The following HDAC9 variants were observed in gnomAD, a reference collection of about 807,000 sequenced individuals.
The protein encoded by HDAC9 is MEF-2 interacting transcription repressor (MITR) protein.
Under a neutral mutation model 139.4 loss-of-function variants are expected in HDAC9, and 41 were observed. The observed-to-expected ratio is 0.29, with a 90% CI of 0.23 to 0.38. HDAC9 has a LOEUF of 0.38. HDAC9 is among the 10% of genes least tolerant of loss of function. The probability of loss-of-function intolerance (pLI) is 1.00; values close to 1 mark genes in which losing one functional copy is unlikely to be tolerated. For synonymous variants in HDAC9, 517 were observed against 476.2 expected, an observed-to-expected ratio of 1.09 and a Z score of -1.12; for missense variants, 1,147 against 1,297.0, an observed-to-expected ratio of 0.88 and a Z score of 1.78.
At chr7:18,626,507 T>C (rs760737586) in intron 6 of HDAC9, among the ~76,000 whole-genome samples, 2 of 152,176 alleles carry the variant, frequency 1.3e-5, no homozygotes, top group East Asian at 1.9e-4. Flanking sequence ...TTTAATGATA[T>C]AAAGTAATTC....
chr7:18,279,397 C>T (rs767486104), intron 2 of HDAC9, among the ~76,000 whole-genome samples: 2 of 151,538 alleles, frequency 1.3e-5, no homozygotes, highest in Non-Finnish European at 2.9e-5. Flanking sequence ...CTTTTCTACC[C>T]AGTGACATCA....
Position 18,801,855 on chromosome 7 carries a change from A to T in HDAC9, c.2322+8403A>T, listed in dbSNP as rs145305984. Reference sequence around the variant, plus strand: ...TGGAGCCAAATTTTCAAAATTAGTCATATGAATCCGTTCATAATATCCTCT... The same window carrying T: ...TGGAGCCAAATTTTCAAAATTAGTCTTATGAATCCGTTCATAATATCCTCT... On this transcript the variant is annotated intron_variant, in intron 17 of 25. Coordinates refer to ENST00000686413, the MANE Select transcript of HDAC9 (RefSeq NM_178425.4). 2.0e-3 allele frequency among the ~76,000 whole-genome samples: 298 copies of T among 152,154 alleles called. 4 individuals carry two copies. Among genetic ancestry groups the T allele is most frequent in the Non-Finnish European group, 6.5e-4 (44 of 67,900 alleles).
chr7:18,789,230 A>G (rs1454699522), intron 16 of HDAC9, among the ~76,000 whole-genome samples: 2 of 150,412 alleles, frequency 1.3e-5, no homozygotes, highest in African/African-American at 4.9e-5. Context: ...ATCCATCCTA[A>G]TCTCCCTTTC....
chr7:18,437,625 C>G (rs997675085), intron 1 of HDAC9, among the ~76,000 whole-genome samples: 1 of 150,954 alleles, frequency 6.6e-6, no homozygotes, highest in East Asian at 1.9e-4. Flanking sequence ...AATCATACCA[C>G]AGTACACGCA....
At chr7:18,349,307 TACACACACACACACACACACACAC>T (rs3138825) in intron 1 of HDAC9, among the ~76,000 whole-genome samples, 9 of 125,820 alleles carry the variant, frequency 7.2e-5, no homozygotes, top group East Asian at 2.5e-4. Flanking sequence ...TGAGAACATC[TACACACACACACACACACACACAC>T]ACACACACAC....
chr7:18,239,960 T>G (rs576971642), intron 2 of HDAC9, among the ~76,000 whole-genome samples: 36 of 151,444 alleles, frequency 2.4e-4, no homozygotes, highest in African/African-American at 7.0e-4. Flanking sequence ...CATGTTTTTT[T>G]TTTTTTTTTT....
intron 2 of HDAC9, among the ~76,000 whole-genome samples, chr7:18,566,932 C>CCAT (rs1228044262): frequency 3.9e-5 from 6 of 152,112 alleles, no homozygotes; most frequent in Admixed American, 2.6e-4. Context: ...GAAGGATGTA[C>CCAT]CATACCGTAT....
chr7:18,640,773 A>G (rs1213497078), intron 8 of HDAC9, among the ~76,000 whole-genome samples: 1 of 151,988 alleles, frequency 6.6e-6, no homozygotes, highest in Non-Finnish European at 1.5e-5. Flanking sequence ...TTATGGATGC[A>G]GAAGTCCAAT....
At chr7:18,184,907 G>T (rs920381405) in intron 2 of HDAC9, among the ~76,000 whole-genome samples, 1 of 152,078 alleles carries the variant, frequency 6.6e-6, no homozygotes, top group Non-Finnish European at 1.5e-5. Flanking sequence ...AAAAAATACT[G>T]CAGAGCTTGC....
At chr7:18,418,266 G>A (rs1261056344) in intron 1 of HDAC9, among the ~76,000 whole-genome samples, 1 of 152,140 alleles carries the variant, frequency 6.6e-6, no homozygotes, top group East Asian at 1.9e-4. Context: ...GAAGTGGGAA[G>A]ACTTTTAGAC....
At chr7:18,521,808 A>G (rs1034439195) in intron 2 of HDAC9, among the ~76,000 whole-genome samples, 7 of 152,196 alleles carry the variant, frequency 4.6e-5, no homozygotes, top group Non-Finnish European at 7.3e-5. Flanking sequence ...AAAAACATTC[A>G]ATTAATATTC....
At chr7:18,469,581 G>A (rs138639126) in intron 1 of HDAC9, among the ~76,000 whole-genome samples, 2 of 152,138 alleles carry the variant, frequency 1.3e-5, no homozygotes, top group African/African-American at 2.4e-5. Flanking sequence ...GTACCACATT[G>A]TATTTCATGA....
chr7:18,974,542 T>G (rs2129336875), intron 24 of HDAC9, among the ~76,000 whole-genome samples: 1 of 152,316 alleles, frequency 6.6e-6, no homozygotes, highest in South Asian at 2.1e-4. Flanking sequence ...GACAGAATTG[T>G]TATTGTTTGG....
intron 1 of HDAC9, among the ~76,000 whole-genome samples, chr7:18,376,556 G>A (rs528155917): frequency 6.6e-6 from 1 of 152,168 alleles, no homozygotes; most frequent in South Asian, 2.1e-4. Context: ...GTTGCTTCGG[G>A]TGCCTGGCAG....
At chr7:18,488,592 G>A (rs1242145970) in intron 1 of HDAC9, among the ~76,000 whole-genome samples, 1 of 151,958 alleles carries the variant, frequency 6.6e-6, no homozygotes, top group East Asian at 1.9e-4. Flanking sequence ...AAATTCATGA[G>A]TTAAAGATAG....
chr7:18,693,506 A>C (rs1349921896), intron 12 of HDAC9, among the ~76,000 whole-genome samples: 2 of 152,168 alleles, frequency 1.3e-5, no homozygotes, highest in African/African-American at 4.8e-5. Flanking sequence ...CTTTTAACGA[A>C]AAAAATTTTC....
intron 1 of HDAC9, among the ~76,000 whole-genome samples, chr7:18,088,484 C>T (rs979293839): frequency 3.3e-5 from 5 of 152,104 alleles, no homozygotes; most frequent in African/African-American, 1.2e-4. Flanking sequence ...AGGAAAAAAA[C>T]ATTGAAAATC....
intron 2 of HDAC9, among the ~76,000 whole-genome samples, chr7:18,503,204 T>TC (rs1351553128): frequency 2.0e-4 from 30 of 152,172 alleles, no homozygotes; most frequent in Admixed American, 1.9e-3. Context: ...TGTGCCATGG[T>TC]CCCCCCTGTT....
intron 1 of HDAC9, among the ~76,000 whole-genome samples, chr7:18,137,516 G>A (rs983012858): frequency 2.0e-5 from 3 of 151,898 alleles, no homozygotes; most frequent in African/African-American, 7.3e-5. Context: ...TAGCATGAAG[G>A]GTTGTTGAAT....
Sources: gnomAD v4.1 joint callset for allele counts (sites outside exome capture counted in the v4.1 genomes callset) on GRCh38, gnomAD v4.1.1 for gene constraint, MANE v1.5 for transcripts, NCBI Gene and HGNC (gene_info 2026-07-23, HGNC 2026-07-21) for gene names.